The following GABRB2 variants were observed in gnomAD, a reference collection of about 807,000 sequenced individuals.
GABRB2 encodes gamma-aminobutyric acid type A receptor subunit beta2.
Under a neutral mutation model 54.7 loss-of-function variants are expected in GABRB2, and 16 were observed. The observed-to-expected ratio is 0.29, with a 90% CI of 0.20 to 0.44. The LOEUF (loss-of-function observed/expected upper bound fraction) is 0.44. Ranked by LOEUF, GABRB2 falls within the 20% of genes least tolerant of loss-of-function variation. GABRB2 has a pLI of 1.00. For synonymous variants in GABRB2, 244 were observed against 233.8 expected (o/e 1.04, Z -0.40); for missense variants, 355 against 644.0 (o/e 0.55, Z 4.86).
chr5:161,513,173 G>C (rs1759832943), intron 3 of GABRB2, among the ~76,000 whole-genome samples: 1 of 151,874 alleles, frequency 6.6e-6, no homozygotes, highest in Admixed American at 6.6e-5. Flanking sequence ...AGTTTGGAGA[G>C]AGGACTTAAA....
intron 3 of GABRB2, among the ~76,000 whole-genome samples, chr5:161,498,631 T>C (rs1036492118): frequency 6.6e-6 from 1 of 152,124 alleles, no homozygotes; most frequent in Admixed American, 6.6e-5. Flanking sequence ...TCTGTCATAA[T>C]GTAAAAGAGT....
chr5:161,362,315 A>C (rs1754838694), intron 5 of GABRB2, among the ~76,000 whole-genome samples: 2 of 152,204 alleles, frequency 1.3e-5, no homozygotes, highest in South Asian at 4.1e-4. Flanking sequence ...TTCTGTGAAG[A>C]AAGCCAATGG....
chr5:161,395,950 G>C (rs889580334), intron 5 of GABRB2, among the ~76,000 whole-genome samples: 2 of 152,134 alleles, frequency 1.3e-5, no homozygotes, highest in African/African-American at 2.4e-5. Flanking sequence ...AAGATTTTAA[G>C]TGGAAGGTCC....
intron 3 of GABRB2, among the ~76,000 whole-genome samples, chr5:161,524,417 G>A (rs954975840): frequency 1.3e-5 from 2 of 151,710 alleles, no homozygotes; most frequent in Non-Finnish European, 3.0e-5. Context: ...AATTTCTGGA[G>A]TTTGTATCCT....
chr5:161,415,728 T>A (rs1756644657), intron 4 of GABRB2, among the ~76,000 whole-genome samples: 1 of 152,036 alleles, frequency 6.6e-6, no homozygotes, highest in Non-Finnish European at 1.5e-5. Flanking sequence ...TTCTCCTGCC[T>A]CAGCCTCCCT....
At chr5:161,502,193 A>G (rs568324996) in intron 3 of GABRB2, among the ~76,000 whole-genome samples, 4 of 151,958 alleles carry the variant, frequency 2.6e-5, no homozygotes, top group East Asian at 3.9e-4. Context: ...GATCTAAATT[A>G]AAATATAAAA....
chr5:161,545,894 T>G (rs1408682990), intron 2 of GABRB2, among the ~76,000 whole-genome samples: 1 of 152,138 alleles, frequency 6.6e-6, no homozygotes, highest in Non-Finnish European at 1.5e-5. Context: ...CCAGAAGAAC[T>G]CTTCCAAAGT....
intron 4 of GABRB2, among the ~76,000 whole-genome samples, chr5:161,448,304 T>G (rs192865647): frequency 4.6e-5 from 7 of 152,190 alleles, no homozygotes; most frequent in African/African-American, 1.7e-4. Flanking sequence ...GCACCTGTAG[T>G]CCCAGCTACT....
At chr5:161,499,104 G>T (rs1759350713) in intron 3 of GABRB2, among the ~76,000 whole-genome samples, 1 of 151,986 alleles carries the variant, frequency 6.6e-6, no homozygotes. Flanking sequence ...CTCCATACTA[G>T]CATTGGCCCC....
chr5:161,539,723 A>G (rs761093016), intron 3 of GABRB2, among the ~76,000 whole-genome samples: 3 of 152,180 alleles, frequency 2.0e-5, no homozygotes, highest in Non-Finnish European at 4.4e-5. Flanking sequence ...ATACCACAGA[A>G]AGATACTGCT....
At chr5:161,434,771 T>C (rs1757263986) in intron 4 of GABRB2, among the ~76,000 whole-genome samples, 1 of 152,210 alleles carries the variant, frequency 6.6e-6, no homozygotes, top group African/African-American at 2.4e-5. Flanking sequence ...CTAGGTGCCC[T>C]AGGTAGCTAG....
intron 3 of GABRB2, among the ~76,000 whole-genome samples, chr5:161,485,512 T>C (rs1283397354): frequency 6.6e-6 from 1 of 151,966 alleles, no homozygotes; most frequent in Non-Finnish European, 1.5e-5. Context: ...AACTCTGCCC[T>C]GACCTCTACT....
Position 161,292,371 on chromosome 5 carries a change from T to C in GABRB2, c.*1710A>G, listed in dbSNP as rs1757262652. ...AGTCATCCTCCAAGAAAAAGTTCAA[T>C]CAAATTCAACTTTAAGGAAAATTTA... On this transcript the variant is annotated 3_prime_UTR_variant, in exon 10 of 10. Coordinates refer to ENST00000393959, the MANE Select transcript of GABRB2 (RefSeq NM_001371727.1). 6.6e-6 allele frequency: 1 copy of C among 152,168 alleles called. No homozygotes were observed. The highest frequency in any genetic ancestry group is 6.5e-5 in the Admixed American group (1 of 15,270). 9.4% of individuals were successfully genotyped at this position (152,168 alleles called of 1,614,324 possible). A position where few individuals can be genotyped will look rare whatever the true frequency, so the allele number is the denominator to read the frequency against.
chr5:161,434,922 A>G (rs10077462), intron 4 of GABRB2, among the ~76,000 whole-genome samples: 37,946 of 152,022 alleles, frequency 0.25, 5,604 homozygotes, highest in African/African-American at 0.41. Context: ...AGTTCTCTCC[A>G]TATTGCGACT....
intron 4 of GABRB2, among the ~76,000 whole-genome samples, chr5:161,421,794 C>T (rs145453134): frequency 1.3e-5 from 2 of 152,226 alleles, no homozygotes; most frequent in East Asian, 3.9e-4. Context: ...GGAGGAAAGC[C>T]TGTTTTAACT....
intron 3 of GABRB2, among the ~76,000 whole-genome samples, chr5:161,507,704 C>A (rs1368010780): frequency 6.6e-6 from 1 of 151,770 alleles, no homozygotes; most frequent in Non-Finnish European, 1.5e-5. Flanking sequence ...TAAAACAGAC[C>A]CTTCACAAAA....
chr5:161,327,369 G>GT (rs1223550969), intron 8 of GABRB2, among the ~76,000 whole-genome samples: 5 of 151,840 alleles, frequency 3.3e-5, no homozygotes, highest in Non-Finnish European at 7.4e-5. Context: ...GTTTTTGTTT[G>GT]TTTTTTACTT....
chr5:161,349,314 T>G (rs1362226692), intron 5 of GABRB2, among the ~76,000 whole-genome samples: 3 of 152,068 alleles, frequency 2.0e-5, no homozygotes, highest in Non-Finnish European at 2.9e-5. Flanking sequence ...ATTAAGATAT[T>G]GAAAATTAAA....
rs1002212106 is a variant in GABRB2 at position 161,330,909 on chromosome 5, C to T, written c.1051G>A (p.Glu351Lys). Residue 351 changes from glutamate to lysine, a missense_variant, in exon 8 of 10, where the codon GAG becomes AAG. Transcript: ENST00000393959. ...TTGTTGACATCCAGGCGCATCTTCTCATTGTTGGCACTGGCAGCCTTCTCA... is the reference window on the plus strand; with the variant it reads ...TTGTTGACATCCAGGCGCATCTTCTTATTGTTGGCACTGGCAGCCTTCTCA... ...AAEKAASANN[E>K]KMRLDVNKIF... is the part of the protein sequence containing the mutation. The T allele has an allele frequency of 6.2e-7, 1 of 1,614,236 alleles. No individual in the cohort carries two copies.
Sources: gnomAD v4.1 joint callset for allele counts (sites outside exome capture counted in the v4.1 genomes callset) on GRCh38, gnomAD v4.1.1 for gene constraint, MANE v1.5 for transcripts, NCBI Gene and HGNC (gene_info 2026-07-23, HGNC 2026-07-21) for gene names.